Variants in THSD7A observed in about 807,000 individuals in gnomAD.
THSD7A encodes the protein thrombospondin type 1 domain containing 7A.
THSD7A carries 96 observed loss-of-function variants against 231.3 expected under a neutral mutation model. That is an observed-to-expected ratio of 0.41 (90% confidence interval 0.35 to 0.49). The LOEUF is 0.49. THSD7A is among the 20% of genes least tolerant of loss of function. THSD7A has a pLI of 0.05. For synonymous variants in THSD7A, 940 were observed against 743.3 expected, an observed-to-expected ratio of 1.26 and a Z score of -4.30; for missense variants, 2,290 against 2,070.2, an observed-to-expected ratio of 1.11 and a Z score of -2.06.
intron 4 of THSD7A, among the ~76,000 whole-genome samples, chr7:11,566,233 G>T (rs755426135): frequency 8.5e-5 from 13 of 152,176 alleles, no homozygotes; most frequent in Non-Finnish European, 1.2e-4. Flanking sequence ...TAATTTTCAT[G>T]ACCTATGCTC....
chr7:11,476,754 G>T (rs1310811593), intron 7 of THSD7A, among the ~76,000 whole-genome samples: 1 of 150,674 alleles, frequency 6.6e-6, no homozygotes, highest in Non-Finnish European at 1.5e-5. Flanking sequence ...GGTGGAGGTT[G>T]CAGTGAGCCA....
chr7:11,593,211 A>C, intron 3 of THSD7A, 43 bp downstream of exon 3: 1 of 1,599,694 alleles, frequency 6.3e-7, no homozygotes, highest in South Asian at 1.1e-5. Context: ...TAGCTGAGCA[A>C]ATGTAGTTTC....
chr7:11,681,155 A>G (rs1783853985), intron 1 of THSD7A, among the ~76,000 whole-genome samples: 1 of 151,984 alleles, frequency 6.6e-6, no homozygotes, highest in Non-Finnish European at 1.5e-5. Context: ...GAACAATGAG[A>G]ACATATGGGC....
intron 4 of THSD7A, among the ~76,000 whole-genome samples, chr7:11,565,767 A>T (rs1583985492): frequency 6.6e-6 from 1 of 152,172 alleles, no homozygotes; most frequent in African/African-American, 2.4e-5. Flanking sequence ...TTAGTTGATC[A>T]GAGTCCTTTG....
intron 4 of THSD7A, among the ~76,000 whole-genome samples, chr7:11,576,935 T>C (rs956864932): frequency 6.6e-6 from 1 of 152,224 alleles, no homozygotes; most frequent in African/African-American, 2.4e-5. Flanking sequence ...GCATTTATTC[T>C]GAAGCAAATG....
rs1411959314 is a variant in THSD7A, at chr7:11,373,414, C to G, written c.*2380G>C. 8 of 151,912 alleles carry G rather than the reference C, an allele frequency of 5.3e-5. No individual in the cohort carries two copies. The highest frequency in any genetic ancestry group is 9.7e-5 in the African/African-American group (4 of 41,390). The allele number at this position is 151,912 out of a possible 1,614,324, so 9.4% of individuals were successfully genotyped here. A position where few individuals can be genotyped will look rare whatever the true frequency, so the allele number is the denominator to read the frequency against. On this transcript the variant is annotated 3_prime_UTR_variant, in exon 28 of 28. Coordinates refer to ENST00000423059, the MANE Select transcript of THSD7A (RefSeq NM_015204.3). ...AACTTTAGGATTATCTGGAAGACCC[C>G]TGATTATATATATTGACAATCACAG... is the stretch of plus-strand genomic sequence containing the variant.
At chr7:11,824,632 C>T (rs1184259491) in intron 1 of THSD7A, among the ~76,000 whole-genome samples, 2 of 152,228 alleles carry the variant, frequency 1.3e-5, no homozygotes, top group Non-Finnish European at 2.9e-5. Flanking sequence ...TCATACAATT[C>T]CCTGAGAATT....
At position 11,406,402 on chromosome 7, in the gene THSD7A, A is replaced by C. The variant is rs1783583235; in HGVS notation, c.4135T>G (p.Phe1379Val). ...CVVSDGSADD[F>V]SKVVDEEFCA... is the part of the protein sequence containing the mutation. The stretch of plus-strand genomic sequence containing the variant: ...AATTCCTCATCCACCACTTTGCTGA[A>C]ATCATCAGCTGACCCATCACTTACT... The change falls in exon 22 of 28, where the codon TTC becomes GTC. Residue 1379 changes from phenylalanine (F) to valine (V), a missense_variant. Coordinates refer to ENST00000423059, the MANE Select transcript of THSD7A (RefSeq NM_015204.3). This position sits in a 1 kb window ranked among gnomAD's most constrained non-coding sequence, Gnocchi z 4.7. 1 of 1,613,922 alleles carries C rather than the reference A, an allele frequency of 6.2e-7. No homozygotes were observed.
intron 2 of THSD7A, among the ~76,000 whole-genome samples, chr7:11,629,420 G>A (rs951322957): frequency 1.3e-5 from 2 of 152,174 alleles, no homozygotes; most frequent in Non-Finnish European, 2.9e-5. Context: ...ACGTGATGAT[G>A]AGTATCTGGC....
intron 6 of THSD7A, among the ~76,000 whole-genome samples, chr7:11,493,295 G>A (rs1024002627): frequency 6.6e-6 from 1 of 152,020 alleles, no homozygotes; most frequent in South Asian, 2.1e-4. Context: ...TTTGGGATGG[G>A]CCAAGATGGA....
chr7:11,659,611 T>A (rs1474163900), intron 1 of THSD7A, among the ~76,000 whole-genome samples: 3 of 151,514 alleles, frequency 2.0e-5, no homozygotes, highest in African/African-American at 7.3e-5. Context: ...TCTTATTAAT[T>A]AGATTACTAG....
chr7:11,441,600 TTTCC>T (rs1784805245), intron 13 of THSD7A, among the ~76,000 whole-genome samples: 1 of 152,086 alleles, frequency 6.6e-6, no homozygotes, highest in Non-Finnish European at 1.5e-5. Flanking sequence ...CCCTCTCTTA[TTTCC>T]TTGAGAGGAT....
intron 2 of THSD7A, among the ~76,000 whole-genome samples, chr7:11,628,590 A>G (rs1471425654): frequency 6.6e-6 from 1 of 152,150 alleles, no homozygotes; most frequent in African/African-American, 2.4e-5. Context: ...TAGCACCTCT[A>G]ATATTTTATT....
intron 4 of THSD7A, among the ~76,000 whole-genome samples, chr7:11,544,785 C>G (rs1259305041): frequency 1.3e-5 from 2 of 151,904 alleles, no homozygotes; most frequent in African/African-American, 2.4e-5. Context: ...TAGTGCTTAT[C>G]TCTCTCTCCA....
chr7:11,694,009 T>G (rs1393373786), intron 1 of THSD7A, among the ~76,000 whole-genome samples: 1 of 151,572 alleles, frequency 6.6e-6, no homozygotes, highest in Non-Finnish European at 1.5e-5. Context: ...TAATTAGGTT[T>G]CTAACGGTAG....
At chr7:11,422,914 G>A (rs535831883) in intron 16 of THSD7A, among the ~76,000 whole-genome samples, 8 of 152,114 alleles carry the variant, frequency 5.3e-5, no homozygotes, top group Admixed American at 2.6e-4. Context: ...GCCTCCCAAA[G>A]TGCTGGGATT....
chr7:11,789,654 C>T (rs2883593), intron 1 of THSD7A, among the ~76,000 whole-genome samples: 36,207 of 151,626 alleles, frequency 0.24, 4,749 homozygotes, highest in East Asian at 0.35. Context: ...TAACTATAGA[C>T]ATGTTATATA....
chr7:11,752,240 T>G (rs1179816815), intron 1 of THSD7A, among the ~76,000 whole-genome samples: 3 of 152,020 alleles, frequency 2.0e-5, no homozygotes, highest in Non-Finnish European at 2.9e-5. Context: ...TTGCCCTGTT[T>G]TCAGGGTCGA....
At chr7:11,528,897 A>AC (rs1788587146) in intron 6 of THSD7A, among the ~76,000 whole-genome samples, 1 of 152,160 alleles carries the variant, frequency 6.6e-6, no homozygotes, top group Non-Finnish European at 1.5e-5. Context: ...AAGGCTAAGT[A>AC]CCAGCGGTCT....
Sources: allele counts gnomAD v4.1 joint callset (sites outside exome capture counted in the v4.1 genomes callset), GRCh38; gene constraint gnomAD v4.1.1; non-coding constraint Gnocchi (gnomAD v3.1); transcripts MANE v1.5; gene names NCBI Gene and HGNC (gene_info 2026-07-23, HGNC 2026-07-21).